ST7L: variants seen among roughly 807,000 people sequenced by gnomAD.
The protein encoded by ST7L is suppression of tumorigenicity 7 like.
Under a neutral mutation model 72.5 loss-of-function variants are expected in ST7L, and 57 were observed. That is an observed-to-expected ratio of 0.79 (90% CI 0.64 to 0.98). ST7L has a LOEUF of 0.98. Ranked by LOEUF, ST7L falls within the 50% of genes least tolerant of loss-of-function variation. ST7L has a pLI of 0.00. For missense variants in ST7L, 576 were observed against 672.2 expected, an observed-to-expected ratio of 0.86 and a Z score of 1.58; for synonymous variants, 221 against 240.9, an observed-to-expected ratio of 0.92 and a Z score of 0.77.
At chr1:112,575,483 GTAA>G (rs1662958747) in intron 11 of ST7L, among the ~76,000 whole-genome samples, 1 of 152,150 alleles carries the variant, frequency 6.6e-6, no homozygotes, top group Non-Finnish European at 1.5e-5. Context: ...TCACTATTAA[GTAA>G]GATAAAGGTT....
chr1:112,548,999 T>TTGTGTGTG lies in ST7L; in HGVS notation c.1489+1594_1489+1601dup, dbSNP rs71081247. 1.3e-3 allele frequency among the ~76,000 whole-genome samples: 193 copies of TTGTGTGTG among 148,916 alleles called. 1 individual carries two copies. Among genetic ancestry groups the TTGTGTGTG allele is most frequent in the African/African-American group, 4.2e-3 (171 of 40,606 alleles). ...TACATTTTAGAATAAGCTTGTTACTTTGTGTGTGTGTGTGTGTGTGTGTGT... is the reference window on the plus strand; with the variant it reads ...TACATTTTAGAATAAGCTTGTTACTTTGTGTGTGTGTGTGTGTGTGTGTGTGTGTGTGT... On this transcript the variant is annotated intron_variant, in intron 13 of 14. Coordinates refer to ENST00000358039, the MANE Select transcript of ST7L (RefSeq NM_017744.5).
At chr1:112,615,604 G>A (rs1411254660) in intron 2 of ST7L, among the ~76,000 whole-genome samples, 2 of 152,192 alleles carry the variant, frequency 1.3e-5, no homozygotes, top group East Asian at 1.9e-4. Flanking sequence ...GAGCCCAGGA[G>A]TTAAGGCCAC....
intron 11 of ST7L, among the ~76,000 whole-genome samples, chr1:112,575,462 T>C (rs1480821798): frequency 6.6e-6 from 1 of 152,206 alleles, no homozygotes; most frequent in Non-Finnish European, 1.5e-5. Flanking sequence ...ATGTCAATCT[T>C]GCATTTGGGG....
chr1:112,588,185 GTTTC>G (rs1665149673), intron 6 of ST7L, among the ~76,000 whole-genome samples: 1 of 152,146 alleles, frequency 6.6e-6, no homozygotes, highest in African/African-American at 2.4e-5. Flanking sequence ...AGCTCTAATA[GTTTC>G]TTTGTGGATT....
chr1:112,579,939 A>T (rs1663816670), intron 9 of ST7L, among the ~76,000 whole-genome samples: 1 of 152,224 alleles, frequency 6.6e-6, no homozygotes, highest in Non-Finnish European at 1.5e-5. Flanking sequence ...TAAGCAGGCC[A>T]TGTATCCAGT....
chr1:112,583,021 G>A (rs533523961), intron 7 of ST7L, among the ~76,000 whole-genome samples: 2 of 152,194 alleles, frequency 1.3e-5, no homozygotes, highest in South Asian at 2.1e-4. Context: ...GCTCATAACC[G>A]TATTTGAGAT....
chr1:112,522,378 T>C (rs1009319005), downstream of ST7L: 1 of 152,292 alleles, frequency 6.6e-6, no homozygotes. Flanking sequence ...CCGCAGATCC[T>C]CTTCACCAAA....
chr1:112,602,621 G>GT (rs1484957713), intron 3 of ST7L, among the ~76,000 whole-genome samples: 1 of 151,960 alleles, frequency 6.6e-6, no homozygotes, highest in Non-Finnish European at 1.5e-5. Flanking sequence ...GTGAGAACTG[G>GT]CCCCTTTTGT....
chr1:112,595,989 C>G (rs1289836951), intron 5 of ST7L, among the ~76,000 whole-genome samples: 1 of 152,030 alleles, frequency 6.6e-6, no homozygotes, highest in Non-Finnish European at 1.5e-5. Flanking sequence ...ATTTTAAAAG[C>G]CTGCTGACGT....
intron 6 of ST7L, among the ~76,000 whole-genome samples, chr1:112,589,236 A>G (rs1375200302): frequency 6.6e-6 from 1 of 151,946 alleles, no homozygotes; most frequent in African/African-American, 2.4e-5. Flanking sequence ...TCACAGGGGC[A>G]GTTTCTATTA....
chr1:112,589,613 G>A (rs1665385607), intron 6 of ST7L, among the ~76,000 whole-genome samples: 1 of 152,210 alleles, frequency 6.6e-6, no homozygotes, highest in Admixed American at 6.5e-5. Flanking sequence ...TGTGTGACCA[G>A]TGATGTGTGT....
At chr1:112,539,809 A>T (rs1655816515) in intron 14 of ST7L, 1 of 985,282 alleles carries the variant, frequency 1.0e-6, no homozygotes, top group Non-Finnish European at 1.2e-6. Context: ...CTTAGCTTTT[A>T]GGGTTTTAAA....
upstream of ST7L, chr1:112,619,403 CA>C: frequency 1.8e-6 from 1 of 548,902 alleles, no homozygotes; most frequent in Non-Finnish European, 3.2e-6. Context: ...TCACCTTTCA[CA>C]CCGCCCCCCC....
Position 112,540,303 on chromosome 1 carries a change from T to C in ST7L, c.1629+1648A>G, listed in dbSNP as rs1022225028. 9.1e-6 allele frequency: 9 copies of C among 985,334 alleles called. No individual in the cohort carries two copies. In the Admixed American group the frequency reaches 5.5e-4, roughly 61 times the overall value. The allele number at this position is 985,334 out of a possible 1,614,324, so 61.0% of individuals were successfully genotyped here. ...CTCACATACACAGTTGCACATTTTC[T>C]TTCCAGCTATTAAATGGATGGAATT... On this transcript the variant is annotated intron_variant, in intron 14 of 14. Transcript: ENST00000358039.
chr1:112,613,212 G>A (rs1184325515), intron 2 of ST7L, among the ~76,000 whole-genome samples: 1 of 152,070 alleles, frequency 6.6e-6, no homozygotes, highest in Non-Finnish European at 1.5e-5. Flanking sequence ...TAATGAATGA[G>A]TATGAAGTTA....
chr1:112,567,363 G>T (rs1286662815), intron 11 of ST7L, among the ~76,000 whole-genome samples: 1 of 151,864 alleles, frequency 6.6e-6, no homozygotes, highest in Non-Finnish European at 1.5e-5. Flanking sequence ...TTTTGGATAC[G>T]AGTCCTTTGT....
At chr1:112,553,233 A>AACACACACACACAC (rs71584746) in intron 12 of ST7L, among the ~76,000 whole-genome samples, 39 of 149,492 alleles carry the variant, frequency 2.6e-4, no homozygotes, top group African/African-American at 8.6e-4. Flanking sequence ...CTTTTCTTTA[A>AACACACACACACAC]ACACACACAC....
At chr1:112,595,311 G>A (rs1023889471) in intron 5 of ST7L, among the ~76,000 whole-genome samples, 15 of 138,296 alleles carry the variant, frequency 1.1e-4, no homozygotes, top group African/African-American at 3.8e-4. Context: ...GTTGTGGTGA[G>A]CCGAGATTGC....
chr1:112,541,530 T>C (rs890041332), intron 14 of ST7L, among the ~76,000 whole-genome samples: 1 of 152,192 alleles, frequency 6.6e-6, no homozygotes, highest in Non-Finnish European at 1.5e-5. Context: ...CCCCGCCTTA[T>C]GTACTTATTA....
Sources: gnomAD v4.1 joint callset for allele counts (sites outside exome capture counted in the v4.1 genomes callset) on GRCh38, gnomAD v4.1.1 for gene constraint, MANE v1.5 for transcripts, NCBI Gene and HGNC (gene_info 2026-07-23, HGNC 2026-07-21) for gene names.